Variants in GNRH2 observed in about 807,000 individuals in gnomAD.
GNRH2 encodes gonadotropin releasing hormone 2, also known as progonadoliberin-2.
Under a neutral mutation model 12.1 loss-of-function variants are expected in GNRH2, and 15 were observed. That is an observed-to-expected ratio of 1.24 (90% CI 0.83 to 1.90). GNRH2 has a LOEUF of 1.90. Among genes scored for constraint, GNRH2 ranks in the 40% most tolerant of loss-of-function variants. The probability of loss-of-function intolerance (pLI) is 0.00; values close to 1 mark genes in which losing one functional copy is unlikely to be tolerated. For synonymous variants in GNRH2, 60 were observed against 62.0 expected (o/e 0.97, Z 0.15); for missense variants, 143 against 141.4 (o/e 1.01, Z -0.06).
chr20:3,045,700 G>GCCCCCCCCCCCCCCC lies in GNRH2; in HGVS notation c.310_311insCCCCCCCCCCCCCCC (p.Pro103_Arg104insProProProProPro). ...TCCCTCCGCAGACCGCAGCCCGAGA[G>GCCCCCCCCCCCCCCC]CCCCGCCCCGCCCCGCCATCCTCCA... On this transcript the variant is annotated inframe_insertion, in exon 4 of 4. Transcript: ENST00000359100. The GCCCCCCCCCCCCCCC allele has an allele frequency of 6.5e-7, 1 of 1,541,628 alleles. No homozygotes were observed. Among genetic ancestry groups the GCCCCCCCCCCCCCCC allele is most frequent in the Non-Finnish European group, 8.8e-7 (1 of 1,136,612 alleles).
Position 3,044,535 on chromosome 20 carries a change from GCCCAGGATC to G in GNRH2, c.127_135del (p.Asp43_Gln45del). The stretch of plus-strand genomic sequence containing the variant: ...TGGAGGAAAGCGAGCCCTCAGCTCA[GCCCAGGATC>G]CCCAGAATGCCCTTAGGCCCCCAGG... On this transcript the variant is annotated inframe_deletion, in exon 2 of 4. Coordinates refer to ENST00000359100, the MANE Select transcript of GNRH2 (RefSeq NM_178331.2). 6.2e-7 allele frequency: 1 copy of G among 1,613,876 alleles called. No individual in the cohort carries two copies.
intron 1 of GNRH2, chr20:3,044,200 C>T (rs1600304463): frequency 3.6e-6 from 2 of 555,140 alleles, no homozygotes; most frequent in East Asian, 5.7e-5. Context: ...GAAGGCTCGT[C>T]CCCTGGAGCA....
At chr20:3,045,605 G>C in intron 3 of GNRH2, 81 bp from the exon 4 acceptor site, 1 of 1,215,928 alleles carries the variant, frequency 8.2e-7, no homozygotes. Flanking sequence ...GGGGACGAGA[G>C]GGGAGAGAAC....
chr20:3,044,740 T>C lies in GNRH2; in HGVS notation c.195T>C (p.Asp65=). The C allele has an allele frequency of 6.2e-7, 1 of 1,611,688 alleles. No homozygotes were observed. The highest frequency in any genetic ancestry group is 8.5e-7 in the Non-Finnish European group (1 of 1,178,658). ...PVQTAHGLPS[D]ALAPLDDSMP... ...AGACTGCCCATGGCCTCCCAAGTGA[T>C]GCCCTGGCTCCCCTGGACGACAGCA... Residue 65 remains aspartate (D), a synonymous_variant, in exon 3 of 4, where the codon GAT becomes GAC. Coordinates refer to ENST00000359100, the MANE Select transcript of GNRH2 (RefSeq NM_178331.2).
intron 3 of GNRH2, among the ~76,000 whole-genome samples, chr20:3,045,229 C>A (rs1439870813): frequency 6.6e-6 from 1 of 151,986 alleles, no homozygotes; most frequent in African/African-American, 2.4e-5. Flanking sequence ...CTCAAACAGA[C>A]AACAGGGCCA....
rs1171192911 is a variant in GNRH2, at chr20:3,044,737, T to TCATC, written c.192_193insCATC (p.Asp65HisfsTer49). 1.2e-6 allele frequency: 2 copies of TCATC among 1,612,234 alleles called. No individual in the cohort carries two copies. The highest frequency in any genetic ancestry group is 2.2e-5 in the South Asian group (2 of 90,872). The stretch of plus-strand genomic sequence containing the variant: ...TCCAGACTGCCCATGGCCTCCCAAG[T>TCATC]GATGCCCTGGCTCCCCTGGACGACA... On this transcript the variant is annotated frameshift_variant, in exon 3 of 4. Transcript: ENST00000359100. LOFTEE classifies it high-confidence loss of function.
chr20:3,044,274 G>A, intron 1 of GNRH2, 134 bp from the exon 2 acceptor site: 2 of 677,344 alleles, frequency 3.0e-6, no homozygotes, highest in Admixed American at 2.4e-5. Context: ...ATGAGGAGCG[G>A]TGGCAGAGAG....
At chr20:3,043,894 C>G (rs1254823166) in intron 1 of GNRH2, 1 of 159,720 alleles carries the variant, frequency 6.3e-6, no homozygotes, top group Non-Finnish European at 1.4e-5. Context: ...ATCAATACCA[C>G]TCATCCATTC....
chr20:3,045,541 G>T (rs1002977246), intron 3 of GNRH2, 145 bp from the exon 4 acceptor site: 1 of 672,060 alleles, frequency 1.5e-6, no homozygotes, highest in Admixed American at 2.3e-5. Flanking sequence ...GGATCCTCAG[G>T]CTTCTACGGG....
At chr20:3,044,120 T>C in intron 1 of GNRH2, 1 of 393,462 alleles carries the variant, frequency 2.5e-6, no homozygotes, top group Non-Finnish European at 4.7e-6. Flanking sequence ...GAAAGATGGA[T>C]GGACCTGGAC....
At chr20:3,045,559 G>A in intron 3 of GNRH2, 127 bp from the exon 4 acceptor site, 3 of 744,906 alleles carry the variant, frequency 4.0e-6, no homozygotes, top group East Asian at 5.2e-5. Context: ...GGGAGGCGGG[G>A]GGCGTCCTGC....
intron 1 of GNRH2, chr20:3,044,105 T>G: frequency 2.9e-6 from 1 of 347,276 alleles, no homozygotes; most frequent in Admixed American, 3.9e-5. Flanking sequence ...GGAAACTCCT[T>G]GAAGGAAAGA....
At chr20:3,044,866 A>C (rs748375296) in intron 3 of GNRH2, 30 bp downstream of exon 3, 5 of 1,575,550 alleles carry the variant, frequency 3.2e-6, no homozygotes, top group Non-Finnish European at 4.3e-6. Flanking sequence ...CCCAGCATCA[A>C]GACCAGCCAC....
rs542046044 is a variant in GNRH2 at position 3,044,000 on chromosome 20, C to T, written c.-8+335C>T. On this transcript the variant is annotated intron_variant, in intron 1 of 3. Coordinates refer to ENST00000359100, the MANE Select transcript of GNRH2 (RefSeq NM_178331.2). ...TTCCCTAGCACTGGTGCTCCAAACA[C>T]GCCTACATTGAGAACTCCCCTGACC... 1.6e-3 allele frequency: 318 copies of T among 193,528 alleles called. 2 individuals carry two copies. In the Middle Eastern group the frequency reaches 0.017, roughly 11 times the overall value. The allele number at this position is 193,528 out of a possible 1,614,324, so 12.0% of individuals were successfully genotyped here.
At position 3,044,852 on chromosome 20, in the gene GNRH2, G is replaced by A; in HGVS notation, c.291+16G>A. On this transcript the variant is annotated intron_variant, in intron 3 of 3. Coordinates refer to ENST00000359100, the MANE Select transcript of GNRH2 (RefSeq NM_178331.2). Reference sequence around the variant, plus strand: ...GACACTGCTGGTGAGTAGGGTGAGAGGTCCCCAGCATCAAGACCAGCCACT... The same window carrying A: ...GACACTGCTGGTGAGTAGGGTGAGAAGTCCCCAGCATCAAGACCAGCCACT... 1.3e-6 allele frequency: 2 copies of A among 1,589,612 alleles called. No individual in the cohort carries two copies. The highest frequency in any genetic ancestry group is 8.6e-7 in the Non-Finnish European group (1 of 1,161,738).
At chr20:3,045,291 A>C (rs1355761729) in intron 3 of GNRH2, among the ~76,000 whole-genome samples, 2 of 152,208 alleles carry the variant, frequency 1.3e-5, no homozygotes, top group Non-Finnish European at 2.9e-5. Flanking sequence ...CAGGGACTGC[A>C]GAGCTCCCCA....
chr20:3,044,295 AAGGAGAT>A, intron 1 of GNRH2, 106 bp from the exon 2 acceptor site: 1 of 786,452 alleles, frequency 1.3e-6, no homozygotes, highest in South Asian at 1.5e-5. Flanking sequence ...GGAAGGGCAT[AAGGAGAT>A]ACCAAAGCTG....
At chr20:3,044,382 C>T (rs2065963363) in intron 1 of GNRH2, 26 bp from the exon 2 acceptor site, 1 of 1,602,612 alleles carries the variant, frequency 6.2e-7, no homozygotes, top group South Asian at 1.1e-5. Context: ...GGTAAGTCTC[C>T]TTGAATGCTG....
At position 3,043,662 on chromosome 20, in the gene GNRH2, C is replaced by T. The variant is rs1269751197; in HGVS notation, c.-11C>T. On this transcript the variant is annotated 5_prime_UTR_variant, in exon 1 of 4. Transcript: ENST00000359100. ...GGAGCCATCTCATCCACAGCTCTTC[C>T]TTGGTGAGTGGGGAGCCTTCCCTAA... is the stretch of plus-strand genomic sequence containing the variant. The T allele has an allele frequency of 1.3e-5, 2 of 152,346 alleles. No homozygotes were observed. Among genetic ancestry groups the T allele is most frequent in the South Asian group, 2.1e-4 (1 of 4,838 alleles). The allele number at this position is 152,346 out of a possible 1,614,324, so 9.4% of individuals were successfully genotyped here.
Sources: allele counts gnomAD v4.1 joint callset (sites outside exome capture counted in the v4.1 genomes callset), GRCh38; gene constraint gnomAD v4.1.1; transcripts MANE v1.5; gene names NCBI Gene and HGNC (gene_info 2026-07-23, HGNC 2026-07-21).